Variants in ITPA observed in about 807,000 individuals in gnomAD.
ITPA encodes inosine triphosphate pyrophosphatase.
In ITPA, 29 loss-of-function variants were observed where a neutral mutation model predicts 29.6. The observed-to-expected ratio is 0.98, with a 90% CI of 0.73 to 1.34. The LOEUF (loss-of-function observed/expected upper bound fraction) is 1.34. Ranked by LOEUF, ITPA falls within the 40% of genes most tolerant of loss-of-function variation. The pLI, the probability that ITPA is intolerant of heterozygous loss-of-function variation, is 0.00. For synonymous variants in ITPA, 103 were observed against 99.3 expected (o/e 1.04, Z -0.22); for missense variants, 241 against 251.5 (o/e 0.96, Z 0.28).
downstream of ITPA, among the ~76,000 whole-genome samples, chr20:3,226,907 C>T (rs1477414326): frequency 2.0e-5 from 3 of 152,204 alleles, no homozygotes; most frequent in Non-Finnish European, 4.4e-5. This position sits in a 1 kb window ranked among gnomAD's most constrained non-coding sequence, Gnocchi z 4.4. Context: ...CTTCTCCCTC[C>T]GTCAAACCAT....
intron 1 of ITPA, among the ~76,000 whole-genome samples, chr20:3,211,226 T>C (rs1180466362): frequency 4.9e-5 from 7 of 143,716 alleles, no homozygotes; most frequent in East Asian, 2.2e-4. Flanking sequence ...AGTGCAGTGG[T>C]GCGATCTCTG....
At chr20:3,220,218 C>T (rs527273425) in intron 6 of ITPA, among the ~76,000 whole-genome samples, 3 of 152,086 alleles carry the variant, frequency 2.0e-5, no homozygotes, top group Middle Eastern at 3.4e-3. Context: ...CCACCACACC[C>T]GGCTAATTTT....
upstream of ITPA, chr20:3,208,720 C>T (rs748981487): frequency 1.3e-5 from 2 of 152,434 alleles, no homozygotes; most frequent in Admixed American, 6.5e-5. Flanking sequence ...TTGGTAAGAA[C>T]TCAGACTCCC....
At chr20:3,211,645 A>C (rs2067177416) in intron 1 of ITPA, among the ~76,000 whole-genome samples, 2 of 152,152 alleles carry the variant, frequency 1.3e-5, no homozygotes, top group African/African-American at 4.8e-5. Flanking sequence ...GGTGTGTGCC[A>C]CCACACCTAG....
At chr20:3,214,926 T>A (rs2067259163) in intron 4 of ITPA, among the ~76,000 whole-genome samples, 1 of 151,128 alleles carries the variant, frequency 6.6e-6, no homozygotes, top group Admixed American at 6.6e-5. Context: ...AGTCTGTCGC[T>A]GAGGTAGGAG....
chr20:3,210,648 T>A (rs1195562115), intron 1 of ITPA, among the ~76,000 whole-genome samples: 1 of 152,216 alleles, frequency 6.6e-6, no homozygotes, highest in East Asian at 1.9e-4. Context: ...AAAAAAGGTT[T>A]GGGATCCTGA....
chr20:3,204,387 G>A (rs2067056052), upstream of ITPA: 11 of 747,144 alleles, frequency 1.5e-5, no homozygotes, highest in Non-Finnish European at 2.1e-5. Context: ...CACTGCGGAA[G>A]CCCCACCCGG....
At chr20:3,208,317 G>A (rs1378140810), upstream of ITPA, among the ~76,000 whole-genome samples, 1 of 152,088 alleles carries the variant, frequency 6.6e-6, no homozygotes. Flanking sequence ...CTGCATAATG[G>A]TTAGTGTTTC....
At chr20:3,207,462 G>A (rs1243467760), upstream of ITPA, among the ~76,000 whole-genome samples, 1 of 152,150 alleles carries the variant, frequency 6.6e-6, no homozygotes, top group Non-Finnish European at 1.5e-5. Context: ...GGGAGGCTGA[G>A]GTGGAGGGAT....
chr20:3,219,980 G>A (rs66607669), intron 6 of ITPA, among the ~76,000 whole-genome samples: 24,250 of 146,660 alleles, frequency 0.17, 2,106 homozygotes, highest in African/African-American at 0.21. Context: ...AGTTTGACGG[G>A]ACAGTGAGCT....
intron 7 of ITPA, 73 bp downstream of exon 7, chr20:3,221,990 GC>G (rs1600536314): frequency 1.4e-6 from 2 of 1,413,012 alleles, no homozygotes; most frequent in East Asian, 4.6e-5. Context: ...CCAGTGCCCC[GC>G]CCAAGTGCAG....
At chr20:3,226,329 T>C (rs2067554087), downstream of ITPA, among the ~76,000 whole-genome samples, 1 of 152,240 alleles carries the variant, frequency 6.6e-6, no homozygotes, top group African/African-American at 2.4e-5. This position sits in a 1 kb window ranked among gnomAD's most constrained non-coding sequence, Gnocchi z 4.4. Context: ...AGAAGTCTTC[T>C]GGGTTGACTG....
At chr20:3,209,104 G>C, upstream of ITPA, 1 of 266,266 alleles carries the variant, frequency 3.8e-6, no homozygotes, top group Non-Finnish European at 7.4e-6. The surrounding 1 kb of genome is among the most constrained non-coding windows in gnomAD (Gnocchi z 4.6). Context: ...TAGCTGGCGG[G>C]TAAGGCTGAA....
chr20:3,209,847 C>T lies in ITPA; in HGVS notation c.66+230C>T, dbSNP rs531992516. ...AGGGAACGAGGGTCTCGACAGATCC[C>T]GACACAGGGCTTGTGTGGTCAGCGA... On this transcript the variant is annotated intron_variant, in intron 1 of 7. Coordinates refer to ENST00000380113, the MANE Select transcript of ITPA (RefSeq NM_033453.4). This position sits in a 1 kb window ranked among gnomAD's most constrained non-coding sequence, Gnocchi z 4.6. Among the ~76,000 whole-genome samples, 1 of 152,260 alleles carries T rather than the reference C, an allele frequency of 6.6e-6. No individual in the cohort carries two copies. Among genetic ancestry groups the T allele is most frequent in the South Asian group, 2.1e-4 (1 of 4,824 alleles).
At chr20:3,220,336 C>T (rs572334286) in intron 6 of ITPA, among the ~76,000 whole-genome samples, 3 of 152,194 alleles carry the variant, frequency 2.0e-5, no homozygotes, top group Admixed American at 6.5e-5. Context: ...ACCTCCATCT[C>T]CTGGGTTCAA....
upstream of ITPA, chr20:3,209,446 C>A: frequency 1.8e-6 from 2 of 1,089,334 alleles, no homozygotes; most frequent in Non-Finnish European, 2.8e-6. This position sits in a 1 kb window ranked among gnomAD's most constrained non-coding sequence, Gnocchi z 4.6. Flanking sequence ...TTCCCCGGGA[C>A]CCCTGGCCGG....
upstream of ITPA, among the ~76,000 whole-genome samples, chr20:3,208,539 C>G (rs566155559): frequency 9.2e-5 from 14 of 152,328 alleles, no homozygotes; most frequent in South Asian, 2.9e-3. Context: ...CCATGCCCAG[C>G]TAATTTTGTA....
Position 3,223,354 on chromosome 20 carries a change from G to C in ITPA, c.489-12G>C. On this transcript the variant is annotated splice_polypyrimidine_tract_variant and intron_variant, in intron 7 of 7. Coordinates refer to ENST00000380113, the MANE Select transcript of ITPA (RefSeq NM_033453.4). ...AATCTGGGCTCCCTGAGCTGCTACTGTCACCCCTCAGGTACGCAGAGATGC... is the reference window on the plus strand; with the variant it reads ...AATCTGGGCTCCCTGAGCTGCTACTCTCACCCCTCAGGTACGCAGAGATGC... 1.2e-6 allele frequency: 2 copies of C among 1,608,656 alleles called. No individual in the cohort carries two copies. The highest frequency in any genetic ancestry group is 1.7e-6 in the Non-Finnish European group (2 of 1,175,890).
chr20:3,205,008 G>A (rs1433187779), upstream of ITPA, among the ~76,000 whole-genome samples: 1 of 151,980 alleles, frequency 6.6e-6, no homozygotes, highest in Non-Finnish European at 1.5e-5. Context: ...CCGCCACCAC[G>A]CCCGGCTAAT....
Sources: gnomAD v4.1 joint callset for allele counts (sites outside exome capture counted in the v4.1 genomes callset) on GRCh38, gnomAD v4.1.1 for gene constraint, Gnocchi (gnomAD v3.1) non-coding constraint, MANE v1.5 for transcripts, NCBI Gene and HGNC (gene_info 2026-07-23, HGNC 2026-07-21) for gene names.